LRRC56: variants seen among roughly 807,000 people sequenced by gnomAD.
LRRC56 encodes leucine-rich repeat-containing protein 56.
Under a neutral mutation model 47.8 loss-of-function variants are expected in LRRC56, and 41 were observed. That is an observed-to-expected ratio of 0.86 (90% CI 0.67 to 1.11). LRRC56 has a LOEUF of 1.11. Ranked by LOEUF, LRRC56 falls within the 50% of genes most tolerant of loss-of-function variation. LRRC56 has a pLI of 0.00. For missense variants in LRRC56, 759 were observed against 704.2 expected (o/e 1.08, Z -0.88); for synonymous variants, 387 against 311.2 (o/e 1.24, Z -2.56).
In LRRC56 at chr11:549,529, G is replaced by C. The variant is rs1311822713; in HGVS notation, c.327-373G>C. Among the ~76,000 whole-genome samples the C allele has an allele frequency of 5.3e-5, 8 of 152,224 alleles. No individual in the cohort carries two copies. In the South Asian group the frequency reaches 1.7e-3, roughly 32 times the overall value. On this transcript the variant is annotated intron_variant, in intron 6 of 13. Coordinates refer to ENST00000270115, the MANE Select transcript of LRRC56 (RefSeq NM_198075.4). ...GGTGTCCAGGGGCTCAGGCTCCCAG[G>C]CAGCACTCCAGACCCTTACTCCAAA... is the stretch of plus-strand genomic sequence containing the variant.
chr11:543,873 C>T (rs1016450591), intron 5 of LRRC56, among the ~76,000 whole-genome samples: 6 of 152,210 alleles, frequency 3.9e-5, no homozygotes, highest in Non-Finnish European at 5.9e-5. Flanking sequence ...CTCAGCCTCC[C>T]GTGTAGCTGG....
At chr11:515,020 C>A in the LRRC56 span, among the ~76,000 whole-genome samples, 2 of 152,234 alleles carry the variant, frequency 1.3e-5, no homozygotes, top group Non-Finnish European at 2.9e-5. Flanking sequence ...GGCCGTTTGA[C>A]AGAAAGACTT....
At chr11:513,541 A>G in the LRRC56 span, among the ~76,000 whole-genome samples, 53 of 152,180 alleles carry the variant, frequency 3.5e-4, no homozygotes, top group Non-Finnish European at 5.7e-4. Flanking sequence ...AGAATATTCC[A>G]TAAACTTCGT....
At chr11:543,897 C>CA (rs1564800118) in intron 5 of LRRC56, among the ~76,000 whole-genome samples, 1 of 152,184 alleles carries the variant, frequency 6.6e-6, no homozygotes, top group Non-Finnish European at 1.5e-5. Context: ...TACAGGCGCC[C>CA]GCCACCATAC....
rs1315886221 is a variant in LRRC56 at position 541,673 on chromosome 11, C to G, written c.265+49C>G. The G allele has an allele frequency of 1.7e-6, 2 of 1,146,802 alleles. No individual in the cohort carries two copies. Among genetic ancestry groups the G allele is most frequent in the Non-Finnish European group, 1.2e-6 (1 of 800,192 alleles). The allele number at this position is 1,146,802 out of a possible 1,614,324, so 71.0% of individuals were successfully genotyped here. A position where few individuals can be genotyped will look rare whatever the true frequency, so the allele number is the denominator to read the frequency against. On this transcript the variant is annotated intron_variant, in intron 5 of 13. Transcript: ENST00000270115. This position sits in a 1 kb window ranked among gnomAD's most constrained non-coding sequence, Gnocchi z 4.1. Reference sequence around the variant, plus strand: ...TGGCCACGGCCACGGCCACGCCTCCCTGTAAACAACACACGTTTCCTGGTT... The same window carrying G: ...TGGCCACGGCCACGGCCACGCCTCCGTGTAAACAACACACGTTTCCTGGTT...
the LRRC56 span, chr11:532,397 G>A: frequency 3.3e-6 from 2 of 611,306 alleles, no homozygotes; most frequent in Non-Finnish European, 5.7e-6. Flanking sequence ...AGTCACCTCG[G>A]CCCACGGTCC....
chr11:517,706 G>A, the LRRC56 span, among the ~76,000 whole-genome samples: 48,063 of 152,060 alleles, frequency 0.32, 7,671 homozygotes, highest in Admixed American at 0.36. Flanking sequence ...CATGATGACA[G>A]TGGCAGTTTT....
At chr11:521,678 AC>A in the LRRC56 span, among the ~76,000 whole-genome samples, 1 of 152,096 alleles carries the variant, frequency 6.6e-6, no homozygotes, top group Non-Finnish European at 1.5e-5. Context: ...ACTTTGGGAG[AC>A]CGAGGCGGGC....
intron 5 of LRRC56, among the ~76,000 whole-genome samples, chr11:543,841 C>T (rs997763696): frequency 9.2e-5 from 14 of 152,140 alleles, no homozygotes; most frequent in Non-Finnish European, 1.5e-4. Context: ...CTCCACCTCC[C>T]GGGTTCACGC....
Position 551,117 on chromosome 11 carries a change from C to T in LRRC56, c.625-14C>T, listed in dbSNP as rs1418330269. On this transcript the variant is annotated splice_polypyrimidine_tract_variant and intron_variant, in intron 8 of 13. Transcript: ENST00000270115. ...CCAGACCTGCCCTCCCTCCCCCTCC[C>T]CCTCCCCCTGCAGGTGCCCAGGGGC... is the stretch of plus-strand genomic sequence containing the variant. 7.1e-7 allele frequency: 1 copy of T among 1,414,956 alleles called. No homozygotes were observed. Among genetic ancestry groups the T allele is most frequent in the Non-Finnish European group, 9.4e-7 (1 of 1,062,352 alleles). 87.7% of individuals were successfully genotyped at this position (1,414,956 alleles called of 1,614,324 possible). A position where few individuals can be genotyped will look rare whatever the true frequency, so the allele number is the denominator to read the frequency against.
the LRRC56 span, among the ~76,000 whole-genome samples, chr11:521,192 G>A: frequency 3.9e-5 from 6 of 152,164 alleles, no homozygotes; most frequent in Non-Finnish European, 8.8e-5. Flanking sequence ...ACTAGCCACT[G>A]GTTCGACTGC....
chr11:546,408 A>C (rs2134044648), intron 6 of LRRC56, among the ~76,000 whole-genome samples: 1 of 152,184 alleles, frequency 6.6e-6, no homozygotes. Flanking sequence ...CTCTACTAAA[A>C]ATACAAAAAA....
the LRRC56 span, among the ~76,000 whole-genome samples, chr11:524,532 G>T: frequency 6.6e-6 from 1 of 152,086 alleles, no homozygotes; most frequent in East Asian, 1.9e-4. Flanking sequence ...TCGGGAGGCT[G>T]AGGCAGGAGA....
upstream of LRRC56, chr11:532,700 C>T (rs142218590): frequency 4.2e-5 from 67 of 1,613,070 alleles, no homozygotes; most frequent in African/African-American, 1.3e-4. Flanking sequence ...GTTCAGCTTC[C>T]GCAGCTTGTG....
intron 2 of LRRC56, among the ~76,000 whole-genome samples, 162 bp downstream of exon 2, chr11:539,022 T>G (rs567932198): frequency 6.6e-6 from 1 of 152,276 alleles, no homozygotes; most frequent in South Asian, 2.1e-4. Context: ...CACTTGTCAC[T>G]CCACGCCTGG....
chr11:541,398 G>A lies in LRRC56; in HGVS notation c.178-139G>A. 1 of 482,700 alleles carries A rather than the reference G, an allele frequency of 2.1e-6. No homozygotes were observed. Among genetic ancestry groups the A allele is most frequent in the Non-Finnish European group, 3.7e-6 (1 of 273,188 alleles). The allele number at this position is 482,700 out of a possible 1,614,324, so 29.9% of individuals were successfully genotyped here. A position where few individuals can be genotyped will look rare whatever the true frequency, so the allele number is the denominator to read the frequency against. ...CATCCACTCCCATCCCACCACCCAGGCCAGGGCCAACATGGCCCAGGCAGG... is the reference window on the plus strand; with the variant it reads ...CATCCACTCCCATCCCACCACCCAGACCAGGGCCAACATGGCCCAGGCAGG... On this transcript the variant is annotated intron_variant, in intron 4 of 13. Coordinates refer to ENST00000270115, the MANE Select transcript of LRRC56 (RefSeq NM_198075.4). The surrounding 1 kb of genome is among the most constrained non-coding windows in gnomAD (Gnocchi z 4.1).
chr11:519,015 G>T, the LRRC56 span, among the ~76,000 whole-genome samples: 1 of 152,202 alleles, frequency 6.6e-6, no homozygotes, highest in Non-Finnish European at 1.5e-5. Context: ...GCCGCACGGG[G>T]GAGGCTTCTC....
Position 551,266 on chromosome 11 carries a change from G to A in LRRC56, c.760G>A (p.Glu254Lys), listed in dbSNP as rs372959912. The A allele has an allele frequency of 8.4e-6, 13 of 1,538,724 alleles. No individual in the cohort carries two copies. The highest frequency in any genetic ancestry group is 1.1e-5 in the Non-Finnish European group (12 of 1,138,400). ...GAGCCAGGACTGGCTTGCGGTGAAG[G>A]AGGCCATCAAGAAGGGCAACGGCCT... Reference protein sequence around the residue: ...RLSQDWLAVKEAIKKGNGLPP... With the variant: ...RLSQDWLAVKKAIKKGNGLPP... Residue 254 changes from glutamate (E) to lysine (K), a missense_variant, in exon 9 of 14, where the codon GAG (glutamate) becomes AAG (lysine). Transcript: ENST00000270115.
chr11:530,208 T>C, the LRRC56 span, among the ~76,000 whole-genome samples: 2,564 of 152,148 alleles, frequency 0.017, 38 homozygotes, highest in Admixed American at 0.046. Context: ...GGGGCCCTGA[T>C]ACCAGGCCCT....
Sources: allele counts gnomAD v4.1 joint callset (sites outside exome capture counted in the v4.1 genomes callset), GRCh38; gene constraint gnomAD v4.1.1; non-coding constraint Gnocchi (gnomAD v3.1); transcripts MANE v1.5; gene names NCBI Gene and HGNC (gene_info 2026-07-23, HGNC 2026-07-21).